The following NT5C3A variants were observed in gnomAD, a reference collection of about 807,000 sequenced individuals.
The protein encoded by NT5C3A is 5'-nucleotidase, cytosolic IIIA.
A neutral mutation model predicts 40.0 loss-of-function variants in NT5C3A; 23 were observed. The observed-to-expected ratio is 0.58, with a 90% CI of 0.41 to 0.81. The LOEUF is 0.81. Ranked by LOEUF, NT5C3A falls within the 40% of genes least tolerant of loss-of-function variation. NT5C3A has a pLI of 0.00. For synonymous variants in NT5C3A, 130 were observed against 141.4 expected (o/e 0.92, Z 0.57); for missense variants, 328 against 403.0 (o/e 0.81, Z 1.59).
chr7:33,051,927 T>C (rs1299881972), intron 1 of NT5C3A, among the ~76,000 whole-genome samples: 1 of 152,130 alleles, frequency 6.6e-6, no homozygotes, highest in African/African-American at 2.4e-5. Context: ...AAAAAATATA[T>C]AAAAGCAATA....
intron 1 of NT5C3A, among the ~76,000 whole-genome samples, chr7:33,032,659 G>A: frequency 6.6e-6 from 1 of 151,858 alleles, no homozygotes; most frequent in Non-Finnish European, 1.5e-5. Context: ...GTTTTGTAGT[G>A]TTGCCCAGGC....
intron 1 of NT5C3A, among the ~76,000 whole-genome samples, chr7:33,052,001 C>G (rs551205029): frequency 6.6e-6 from 1 of 152,200 alleles, no homozygotes; most frequent in East Asian, 1.9e-4. Context: ...GTCTCCCTTC[C>G]TGGTCTCATC....
In NT5C3A at chr7:33,044,625, G is replaced by A. The variant is rs147797361; in HGVS notation, c.139-17710C>T. On this transcript the variant is annotated intron_variant, in intron 1 of 8. Coordinates refer to ENST00000610140, the MANE Select transcript of NT5C3A (RefSeq NM_001002010.5). The stretch of plus-strand genomic sequence containing the variant: ...CAGCACTTGTACAGAATTCACAAAT[G>A]GAAGATTTTTTTTCCTCCCCTTTTA... 4.7e-3 allele frequency among the ~76,000 whole-genome samples: 711 copies of A among 152,190 alleles called. 3 individuals carry two copies. Among genetic ancestry groups the A allele is most frequent in the Admixed American group, 8.2e-3 (126 of 15,292 alleles).
At chr7:33,044,418 G>C (rs755813356) in intron 1 of NT5C3A, among the ~76,000 whole-genome samples, 3 of 152,174 alleles carry the variant, frequency 2.0e-5, no homozygotes, top group Non-Finnish European at 4.4e-5. Context: ...GGATAGAAAG[G>C]ATATGGAAGT....
At chr7:33,054,696 CACAATTTTGTGGCTA>C (rs1331894245) in intron 1 of NT5C3A, among the ~76,000 whole-genome samples, 1 of 152,164 alleles carries the variant, frequency 6.6e-6, no homozygotes, top group African/African-American at 2.4e-5. Flanking sequence ...AAATATTTTA[CACAATTTTGTGGCTA>C]AAACAAATTT....
At chr7:33,018,034 G>C (rs1305322141) in intron 6 of NT5C3A, among the ~76,000 whole-genome samples, 3 of 152,032 alleles carry the variant, frequency 2.0e-5, no homozygotes, top group Non-Finnish European at 4.4e-5. Flanking sequence ...TTTAAAAAGA[G>C]AAAACAATAG....
chr7:33,030,270 A>C (rs544738551), intron 1 of NT5C3A, among the ~76,000 whole-genome samples: 121 of 152,330 alleles, frequency 7.9e-4, no homozygotes, highest in African/African-American at 2.6e-3. Context: ...AATACATCAC[A>C]TACTTTTTGT....
chr7:33,015,084 G>A (rs574414600), intron 8 of NT5C3A, among the ~76,000 whole-genome samples: 5 of 152,092 alleles, frequency 3.3e-5, no homozygotes, highest in East Asian at 1.9e-4. Context: ...TTTTGTCCAC[G>A]GAACATTTAG....
chr7:33,040,784 C>T (rs1223546805), intron 1 of NT5C3A: 9 of 637,524 alleles, frequency 1.4e-5, no homozygotes, highest in Non-Finnish European at 1.8e-5. Flanking sequence ...TTTCAAAATG[C>T]CCAAAATTTC....
intron 1 of NT5C3A, among the ~76,000 whole-genome samples, chr7:33,051,758 T>C (rs1383148759): frequency 1.3e-5 from 2 of 152,186 alleles, no homozygotes; most frequent in African/African-American, 4.8e-5. Flanking sequence ...ATCAGTTTAA[T>C]TGTATCAAAA....
intron 3 of NT5C3A, 75 bp downstream of exon 3, chr7:33,023,964 C>A: frequency 1.2e-6 from 1 of 857,926 alleles, no homozygotes; most frequent in South Asian, 1.4e-5. Flanking sequence ...CCAGTTATCT[C>A]ACAGGTAATA....
chr7:33,014,678 T>A lies in NT5C3A; in HGVS notation c.*52A>T. ...TAAGTCTCTCAGCAAGATGAACGGA[T>A]GAACAGTTCAATTGCACCCACAGGA... On this transcript the variant is annotated 3_prime_UTR_variant, in exon 9 of 9. Coordinates refer to ENST00000610140, the MANE Select transcript of NT5C3A (RefSeq NM_001002010.5). 10 of 1,604,934 alleles carry A rather than the reference T, an allele frequency of 6.2e-6. No individual in the cohort carries two copies. Among genetic ancestry groups the A allele is most frequent in the Non-Finnish European group, 8.5e-6 (10 of 1,175,466 alleles).
intron 4 of NT5C3A, 36 bp from the exon 5 acceptor site, chr7:33,021,393 C>T (rs2127996044): frequency 3.1e-6 from 5 of 1,600,084 alleles, no homozygotes; most frequent in Non-Finnish European, 4.3e-6. Context: ...ATGAAGATTA[C>T]TTGAAAATAA....
At chr7:33,047,567 T>C (rs116833896) in intron 1 of NT5C3A, among the ~76,000 whole-genome samples, 4,324 of 152,248 alleles carry the variant, frequency 0.028, 90 homozygotes, top group South Asian at 0.12. Flanking sequence ...AAATACAATA[T>C]AGTTATGAAA....
chr7:33,026,180 G>C (rs1010443311), intron 2 of NT5C3A, among the ~76,000 whole-genome samples: 6 of 150,982 alleles, frequency 4.0e-5, no homozygotes, highest in Admixed American at 4.0e-4. Flanking sequence ...GTAATACTCA[G>C]TCTCAAAAAA....
intron 1 of NT5C3A, among the ~76,000 whole-genome samples, chr7:33,046,962 C>G (rs1000319700): frequency 7.8e-6 from 1 of 127,740 alleles, no homozygotes; most frequent in Admixed American, 8.9e-5. Flanking sequence ...CCCTGCCACA[C>G]CTGGCTTCTT....
intron 6 of NT5C3A, 146 bp from the exon 7 acceptor site, chr7:33,017,747 G>C (rs1785416392): frequency 1.4e-6 from 1 of 709,552 alleles, no homozygotes; most frequent in Non-Finnish European, 2.5e-6. Context: ...GGCTGTTATT[G>C]ATATCTACAA....
chr7:33,062,362 T>A (rs1224633536), intron 1 of NT5C3A, among the ~76,000 whole-genome samples: 5 of 152,162 alleles, frequency 3.3e-5, no homozygotes, highest in Admixed American at 3.3e-4. Context: ...GACCCAACCC[T>A]GGTCACCAAG....
chr7:33,016,374 A>C (rs1785327888), intron 7 of NT5C3A, among the ~76,000 whole-genome samples: 2 of 136,346 alleles, frequency 1.5e-5, no homozygotes, highest in Admixed American at 1.5e-4. Context: ...ACTCTGTCTC[A>C]AAAAAAAAAA....
Sources: gnomAD v4.1 joint callset for allele counts (sites outside exome capture counted in the v4.1 genomes callset) on GRCh38, gnomAD v4.1.1 for gene constraint, MANE v1.5 for transcripts, NCBI Gene and HGNC (gene_info 2026-07-23, HGNC 2026-07-21) for gene names.